MFSD6: variants seen among roughly 807,000 people sequenced by gnomAD.
The protein encoded by MFSD6 is major facilitator superfamily domain containing 6.
MFSD6 carries 26 observed loss-of-function variants against 56.3 expected under a neutral mutation model. The observed-to-expected ratio is 0.46, with a 90% CI of 0.34 to 0.64. The LOEUF (loss-of-function observed/expected upper bound fraction) is 0.64. Ranked by LOEUF, MFSD6 falls within the 30% of genes least tolerant of loss-of-function variation. The pLI, the probability that MFSD6 is intolerant of heterozygous loss-of-function variation, is 0.01. For synonymous variants in MFSD6, 331 were observed against 366.9 expected (o/e 0.90, Z 1.12); for missense variants, 750 against 986.2 (o/e 0.76, Z 3.21).
chr2:190,489,981 AT>A lies in MFSD6; in HGVS notation c.1891+119del. The A allele has an allele frequency of 1.3e-6, 1 of 781,932 alleles. No individual in the cohort carries two copies. The highest frequency in any genetic ancestry group is 3.2e-5 in the Admixed American group (1 of 31,486). 48.4% of individuals were successfully genotyped at this position (781,932 alleles called of 1,614,324 possible). A position where few individuals can be genotyped will look rare whatever the true frequency, so the allele number is the denominator to read the frequency against. On this transcript the variant is annotated intron_variant, in intron 6 of 7. Coordinates refer to ENST00000392328, the MANE Select transcript of MFSD6 (RefSeq NM_017694.4). This position sits in a 1 kb window ranked among gnomAD's most constrained non-coding sequence, Gnocchi z 6.6. ...GTATACAACAGGTCTGTTTGGCTCA[AT>A]TTTCTGAGTGGCGTATCGATGAATT...
Position 190,496,212 on chromosome 2 carries a change from G to A in MFSD6, c.1892-1227G>A, listed in dbSNP as rs1018981601. ...AATTCTCAAGCAAAGATACACAAATGGCCAACAAACATGAAACAATGGTCA... is the reference window on the plus strand; with the variant it reads ...AATTCTCAAGCAAAGATACACAAATAGCCAACAAACATGAAACAATGGTCA... On this transcript the variant is annotated intron_variant, in intron 6 of 7. Transcript: ENST00000392328. The surrounding 1 kb of genome is among the most constrained non-coding windows in gnomAD (Gnocchi z 4.7). 6.6e-6 allele frequency among the ~76,000 whole-genome samples: 1 copy of A among 150,890 alleles called. No homozygotes were observed. The highest frequency in any genetic ancestry group is 1.5e-5 in the Non-Finnish European group (1 of 67,790).
Position 190,467,011 on chromosome 2 carries a change from G to A in MFSD6, c.1533-2747G>A, listed in dbSNP as rs1335621102. Reference sequence around the variant, plus strand: ...AGCCAGGAGTTTTGGACTATGGCCTGGATTGAATTACAGTTGTCATGGCAA... The same window carrying A: ...AGCCAGGAGTTTTGGACTATGGCCTAGATTGAATTACAGTTGTCATGGCAA... On this transcript the variant is annotated intron_variant, in intron 3 of 7. Coordinates refer to ENST00000392328, the MANE Select transcript of MFSD6 (RefSeq NM_017694.4). This position sits in a 1 kb window ranked among gnomAD's most constrained non-coding sequence, Gnocchi z 5.5. Among the ~76,000 whole-genome samples the A allele has an allele frequency of 6.6e-6, 1 of 152,210 alleles. No individual in the cohort carries two copies. The highest frequency in any genetic ancestry group is 1.9e-4 in the East Asian group (1 of 5,194).
Position 190,460,782 on chromosome 2 carries a change from G to A in MFSD6, c.1533-8976G>A, listed in dbSNP as rs537436889. ...AGAGACAGGTGGGGATGGTGGCCGA[G>A]TGAGTCCATTTGTCATCCCTGCGAG... is the stretch of plus-strand genomic sequence containing the variant. On this transcript the variant is annotated intron_variant, in intron 3 of 7. Transcript: ENST00000392328. Among the ~76,000 whole-genome samples the A allele has an allele frequency of 9.2e-5, 14 of 152,328 alleles. No homozygotes were observed. The South Asian group carries it at 2.7e-3, about 29-fold the overall frequency.
intron 4 of MFSD6, among the ~76,000 whole-genome samples, chr2:190,480,368 G>C (rs1301066091): frequency 7.1e-6 from 1 of 140,036 alleles, no homozygotes; most frequent in Non-Finnish European, 1.5e-5. Context: ...TCAGCCCCCT[G>C]TATCATGTAC....
At chr2:190,475,300 G>A (rs565125875) in intron 4 of MFSD6, among the ~76,000 whole-genome samples, 1 of 152,196 alleles carries the variant, frequency 6.6e-6, no homozygotes, top group African/African-American at 2.4e-5. Flanking sequence ...TGACATGATT[G>A]TATATCTAGA....
At position 190,434,394 on chromosome 2, in the gene MFSD6, AT is replaced by A; in HGVS notation, c.-53-1582del. The stretch of plus-strand genomic sequence containing the variant: ...AGTTCCTATAAATTTATATAAATGT[AT>A]ATTGCTAATATCGTATATGAAAAAC... On this transcript the variant is annotated intron_variant, in intron 2 of 7. Coordinates refer to ENST00000392328, the MANE Select transcript of MFSD6 (RefSeq NM_017694.4). This position sits in a 1 kb window ranked among gnomAD's most constrained non-coding sequence, Gnocchi z 4.3. Among the ~76,000 whole-genome samples the A allele has an allele frequency of 6.6e-6, 1 of 152,248 alleles. No individual in the cohort carries two copies. Among genetic ancestry groups the A allele is most frequent in the Non-Finnish European group, 1.5e-5 (1 of 68,016 alleles).
Position 190,469,909 on chromosome 2 carries a change from TA to T in MFSD6, c.1630+58del. The stretch of plus-strand genomic sequence containing the variant: ...TTCTCTGCCTTCCCTGAGCTGTGGC[TA>T]AAAGCCCAGTGGCCTTCAGCATCTG... On this transcript the variant is annotated intron_variant, in intron 4 of 7. Coordinates refer to ENST00000392328, the MANE Select transcript of MFSD6 (RefSeq NM_017694.4). This position sits in a 1 kb window ranked among gnomAD's most constrained non-coding sequence, Gnocchi z 5.3. The T allele has an allele frequency of 7.4e-7, 1 of 1,344,556 alleles. No individual in the cohort carries two copies. Among genetic ancestry groups the T allele is most frequent in the Non-Finnish European group, 1.1e-6 (1 of 947,392 alleles). 83.3% of individuals were successfully genotyped at this position (1,344,556 alleles called of 1,614,324 possible).
rs1483312901 is a variant in MFSD6, at chr2:190,491,100, T to G, written c.1891+1234T>G. On this transcript the variant is annotated intron_variant, in intron 6 of 7. Coordinates refer to ENST00000392328, the MANE Select transcript of MFSD6 (RefSeq NM_017694.4). This position sits in a 1 kb window ranked among gnomAD's most constrained non-coding sequence, Gnocchi z 4.2. ...TGGACTTGAATATCTTTGCTATTAA[T>G]CACAAAAAAATTTAAAATCATTAAT... Among the ~76,000 whole-genome samples, 1 of 152,172 alleles carries G rather than the reference T, an allele frequency of 6.6e-6. No individual in the cohort carries two copies. The highest frequency in any genetic ancestry group is 1.5e-5 in the Non-Finnish European group (1 of 68,014).
rs747799629 is a variant in MFSD6 at position 190,412,937 on chromosome 2, T to C, written c.-175-2355T>C. Among the ~76,000 whole-genome samples, 1 of 152,232 alleles carries C rather than the reference T, an allele frequency of 6.6e-6. No homozygotes were observed. The highest frequency in any genetic ancestry group is 1.5e-5 in the Non-Finnish European group (1 of 68,044). On this transcript the variant is annotated intron_variant, in intron 1 of 7. Coordinates refer to ENST00000392328, the MANE Select transcript of MFSD6 (RefSeq NM_017694.4). This position sits in a 1 kb window ranked among gnomAD's most constrained non-coding sequence, Gnocchi z 4.1. ...ACCAGTCATTTGTTCAGACAAGTGATGTTTGGTGCAGGGGCCAAAACAGAA... is the reference window on the plus strand; with the variant it reads ...ACCAGTCATTTGTTCAGACAAGTGACGTTTGGTGCAGGGGCCAAAACAGAA...
intron 4 of MFSD6, chr2:190,477,421 C>T (rs1271886450): frequency 1.7e-5 from 16 of 917,532 alleles, no homozygotes; most frequent in Non-Finnish European, 2.1e-5. Context: ...TATAATAATA[C>T]ATGCATATAA....
At chr2:190,453,293 T>C (rs1461132568) in intron 3 of MFSD6, among the ~76,000 whole-genome samples, 1 of 152,066 alleles carries the variant, frequency 6.6e-6, no homozygotes, top group African/African-American at 2.4e-5. Context: ...GTGTGGGCTC[T>C]GGGTAGGGGA....
chr2:190,441,824 ATTC>A (rs1436677146), intron 3 of MFSD6, among the ~76,000 whole-genome samples: 3 of 152,048 alleles, frequency 2.0e-5, no homozygotes, highest in South Asian at 4.2e-4. Flanking sequence ...TCCTCTCTTT[ATTC>A]TTCTGCCCAA....
chr2:190,494,240 A>G lies in MFSD6; in HGVS notation c.1892-3199A>G, dbSNP rs957131563. Among the ~76,000 whole-genome samples, 3 of 152,272 alleles carry G rather than the reference A, an allele frequency of 2.0e-5. No homozygotes were observed. The highest frequency in any genetic ancestry group is 1.3e-4 in the Admixed American group (2 of 15,294). On this transcript the variant is annotated intron_variant, in intron 6 of 7. Transcript: ENST00000392328. The surrounding 1 kb of genome is among the most constrained non-coding windows in gnomAD (Gnocchi z 5.7). ...CTACTATTAACACCTTTACATGCAT[A>G]AACTGGAAAACGCAGAGGAGATAAA...
chr2:190,423,808 C>A lies in MFSD6; in HGVS notation c.-54+8395C>A, dbSNP rs1685705764. Among the ~76,000 whole-genome samples, 1 of 152,114 alleles carries A rather than the reference C, an allele frequency of 6.6e-6. No individual in the cohort carries two copies. Among genetic ancestry groups the A allele is most frequent in the South Asian group, 2.1e-4 (1 of 4,830 alleles). On this transcript the variant is annotated intron_variant, in intron 2 of 7. Coordinates refer to ENST00000392328, the MANE Select transcript of MFSD6 (RefSeq NM_017694.4). This position sits in a 1 kb window ranked among gnomAD's most constrained non-coding sequence, Gnocchi z 4.3. ...CCTCCTTATCAGAATTCAGTGTTAT[C>A]CCTATTTTTATTTTAACCATTCTTA...
rs1453817448 is a variant in MFSD6, at chr2:190,425,513, T to A, written c.-54+10100T>A. On this transcript the variant is annotated intron_variant, in intron 2 of 7. Coordinates refer to ENST00000392328, the MANE Select transcript of MFSD6 (RefSeq NM_017694.4). The surrounding 1 kb of genome is among the most constrained non-coding windows in gnomAD (Gnocchi z 4.3). ...AAATTGAGAACATTCCCCTCTGTTC[T>A]TAGTTTTCTGAGACTTTTACCTCAG... Among the ~76,000 whole-genome samples the A allele has an allele frequency of 2.0e-5, 3 of 152,202 alleles. No individual in the cohort carries two copies. The highest frequency in any genetic ancestry group is 7.2e-5 in the African/African-American group (3 of 41,456).
In MFSD6 at chr2:190,431,018, TCCCAGACGGGG is replaced by T. The variant is rs1685970873; in HGVS notation, c.-53-4958_-53-4948del. ...CAGCTGGGCAGAGACGCTCCTCACC[TCCCAGACGGGG>T]TCGCGGCCGGGCAGAGGCGCTCCTC... On this transcript the variant is annotated intron_variant, in intron 2 of 7. Transcript: ENST00000392328. The surrounding 1 kb of genome is among the most constrained non-coding windows in gnomAD (Gnocchi z 4.4). Among the ~76,000 whole-genome samples, 1 of 110,750 alleles carries T rather than the reference TCCCAGACGGGG, an allele frequency of 9.0e-6. No homozygotes were observed. The highest frequency in any genetic ancestry group is 2.1e-5 in the Non-Finnish European group (1 of 46,706). 72.7% of individuals were successfully genotyped at this position (110,750 alleles called of 152,430 possible).
intron 4 of MFSD6, among the ~76,000 whole-genome samples, chr2:190,480,822 C>T (rs1018678427): frequency 2.0e-5 from 3 of 151,916 alleles, no homozygotes; most frequent in Non-Finnish European, 4.4e-5. Context: ...AGTACCTGAC[C>T]CACAGTTAGC....
At chr2:190,414,249 A>G (rs1227558927) in intron 1 of MFSD6, among the ~76,000 whole-genome samples, 4 of 152,156 alleles carry the variant, frequency 2.6e-5, no homozygotes, top group Non-Finnish European at 5.9e-5. Context: ...ACAAACCCAC[A>G]TGTCCTGCAC....
In MFSD6 at chr2:190,436,245, G is replaced by A. The variant is rs150133076; in HGVS notation, c.216G>A (p.Lys72=). ...TAAACAACGATCTTCTAATTTCCAAGGTCTTTTATTTTTTCTTTTACTCTG... is the reference window on the plus strand; with the variant it reads ...TAAACAACGATCTTCTAATTTCCAAAGTCTTTTATTTTTTCTTTTACTCTG... The part of the protein sequence containing the change: ...VKINNDLLIS[K]VFYFFFYSAY... Residue 72 remains lysine (K), a synonymous_variant, in exon 3 of 8, where the codon AAG becomes AAA. Coordinates refer to ENST00000392328, the MANE Select transcript of MFSD6 (RefSeq NM_017694.4). The surrounding 1 kb of genome is among the most constrained non-coding windows in gnomAD (Gnocchi z 5.3). The A allele has an allele frequency of 3.7e-5, 60 of 1,613,972 alleles. No individual in the cohort carries two copies. The African/African-American group carries it at 6.9e-4, about 19-fold the overall frequency.
Sources: allele counts gnomAD v4.1 joint callset (sites outside exome capture counted in the v4.1 genomes callset), GRCh38; gene constraint gnomAD v4.1.1; non-coding constraint Gnocchi (gnomAD v3.1); transcripts MANE v1.5; gene names NCBI Gene and HGNC (gene_info 2026-07-23, HGNC 2026-07-21).